The following CNTNAP5 variants were observed in gnomAD, a reference collection of about 807,000 sequenced individuals.
CNTNAP5 encodes contactin-associated protein-like 5.
Under a neutral mutation model 150.2 loss-of-function variants are expected in CNTNAP5, and 72 were observed. That is an observed-to-expected ratio of 0.48 (90% CI 0.40 to 0.58). The LOEUF (loss-of-function observed/expected upper bound fraction) is 0.58. Among genes scored for constraint, CNTNAP5 ranks in the 20% least tolerant of loss-of-function variants. CNTNAP5 has a pLI of 0.00. For synonymous variants in CNTNAP5, 672 were observed against 619.8 expected (o/e 1.08, Z -1.25); for missense variants, 1,636 against 1,626.2 (o/e 1.01, Z -0.10).
At chr2:124,677,260 C>T (rs1194770302) in intron 13 of CNTNAP5, among the ~76,000 whole-genome samples, 1 of 152,092 alleles carries the variant, frequency 6.6e-6, no homozygotes, top group Non-Finnish European at 1.5e-5. Context: ...GCTTTTTCCT[C>T]CCAGTGGGTT....
intron 3 of CNTNAP5, among the ~76,000 whole-genome samples, chr2:124,322,939 T>C (rs1032649873): frequency 2.0e-5 from 3 of 152,228 alleles, no homozygotes; most frequent in African/African-American, 7.2e-5. Context: ...TGTTCTGTAA[T>C]ATAGAAATAT....
intron 3 of CNTNAP5, among the ~76,000 whole-genome samples, chr2:124,267,541 A>G (rs1165240569): frequency 6.6e-6 from 1 of 152,162 alleles, no homozygotes; most frequent in Non-Finnish European, 1.5e-5. Flanking sequence ...CCCATCAGGA[A>G]GACTAAATAT....
At chr2:124,107,115 G>A (rs1332522726) in intron 1 of CNTNAP5, among the ~76,000 whole-genome samples, 3 of 152,192 alleles carry the variant, frequency 2.0e-5, no homozygotes, top group African/African-American at 7.2e-5. Flanking sequence ...AGAGCTCAGG[G>A]AGAAAGAGAG....
At chr2:124,168,715 T>G (rs2104660172) in intron 1 of CNTNAP5, among the ~76,000 whole-genome samples, 1 of 152,326 alleles carries the variant, frequency 6.6e-6, no homozygotes, top group Non-Finnish European at 1.5e-5. Flanking sequence ...ATCCGTGATC[T>G]CAGATCTTCT....
At chr2:124,830,863 A>G (rs905372846) in intron 19 of CNTNAP5, among the ~76,000 whole-genome samples, 1 of 151,996 alleles carries the variant, frequency 6.6e-6, no homozygotes, top group Admixed American at 6.6e-5. Flanking sequence ...CAAGGAGAAA[A>G]GGAACTGAAG....
chr2:124,607,519 G>A (rs1677275679), intron 11 of CNTNAP5, among the ~76,000 whole-genome samples: 1 of 152,176 alleles, frequency 6.6e-6, no homozygotes, highest in Non-Finnish European at 1.5e-5. Context: ...AGTAAGTCCA[G>A]CCCACTTGGA....
chr2:124,045,418 C>T (rs1681505384), intron 1 of CNTNAP5, among the ~76,000 whole-genome samples: 1 of 151,868 alleles, frequency 6.6e-6, no homozygotes, highest in African/African-American at 2.4e-5. Context: ...CTGCCTCAGC[C>T]TCCCAAGTAG....
chr2:124,882,323 C>T (rs1363416103), intron 21 of CNTNAP5, among the ~76,000 whole-genome samples: 5 of 152,062 alleles, frequency 3.3e-5, no homozygotes, highest in African/African-American at 4.8e-5. Flanking sequence ...CATAGAGCAC[C>T]AGGTGTGCTG....
intron 11 of CNTNAP5, among the ~76,000 whole-genome samples, chr2:124,571,542 T>TTC (rs1696160295): frequency 8.6e-6 from 1 of 116,594 alleles, no homozygotes; most frequent in African/African-American, 3.3e-5. Context: ...TTTTTTTTTT[T>TTC]TTTTTTGAGA....
chr2:124,464,785 A>G (rs1485527993), intron 6 of CNTNAP5, among the ~76,000 whole-genome samples: 2 of 152,194 alleles, frequency 1.3e-5, no homozygotes, highest in African/African-American at 2.4e-5. Flanking sequence ...CTTGACTAGT[A>G]TCCCAAAGGC....
At chr2:124,433,262 T>A (rs1464884870) in intron 4 of CNTNAP5, among the ~76,000 whole-genome samples, 1 of 152,210 alleles carries the variant, frequency 6.6e-6, no homozygotes, top group African/African-American at 2.4e-5. Context: ...GGTGGACATT[T>A]GTGAAAGTCT....
chr2:124,850,607 A>G (rs942366867), intron 19 of CNTNAP5, among the ~76,000 whole-genome samples: 13 of 152,210 alleles, frequency 8.5e-5, no homozygotes, highest in African/African-American at 3.1e-4. Context: ...AGGAGACAAA[A>G]CAGATGGTAA....
chr2:124,584,491 T>C (rs1430177572), intron 11 of CNTNAP5, among the ~76,000 whole-genome samples: 1 of 152,196 alleles, frequency 6.6e-6, no homozygotes, highest in African/African-American at 2.4e-5. Context: ...TAAGTGTAGC[T>C]CATGGCATAT....
rs1454371674 is a variant in CNTNAP5 at position 124,917,476 on chromosome 2, A to G, written c.*3188A>G. Reference sequence around the variant, plus strand: ...AAATAGACATTTGTCATTTCTATAGACATATTTTTATGACTAACTTTGCCT... The same window carrying G: ...AAATAGACATTTGTCATTTCTATAGGCATATTTTTATGACTAACTTTGCCT... On this transcript the variant is annotated 3_prime_UTR_variant, in exon 24 of 24. Coordinates refer to ENST00000682447, the MANE Select transcript of CNTNAP5 (RefSeq NM_001367498.1). Among the ~76,000 whole-genome samples the G allele has an allele frequency of 6.6e-6, 1 of 152,188 alleles. No individual in the cohort carries two copies. The highest frequency in any genetic ancestry group is 1.9e-4 in the East Asian group (1 of 5,152).
chr2:124,151,684 G>A (rs758585484), intron 1 of CNTNAP5, among the ~76,000 whole-genome samples: 9 of 152,162 alleles, frequency 5.9e-5, no homozygotes, highest in Admixed American at 1.3e-4. Context: ...GACAGATAAC[G>A]CAGGACCTAG....
chr2:124,355,062 T>A (rs560382063), intron 3 of CNTNAP5, among the ~76,000 whole-genome samples: 1 of 150,982 alleles, frequency 6.6e-6, no homozygotes, highest in Non-Finnish European at 1.5e-5. Flanking sequence ...TTTAAAAAAA[T>A]TTTCTAATAC....
At chr2:124,064,562 T>G (rs1206018856) in intron 1 of CNTNAP5, among the ~76,000 whole-genome samples, 1 of 152,270 alleles carries the variant, frequency 6.6e-6, no homozygotes, top group South Asian at 2.1e-4. Context: ...TTCACTCCTC[T>G]ATTTTATTCT....
chr2:124,407,870 G>A (rs898512884), intron 3 of CNTNAP5, among the ~76,000 whole-genome samples: 2 of 151,672 alleles, frequency 1.3e-5, no homozygotes, highest in African/African-American at 2.4e-5. Context: ...AAGAACTTCG[G>A]GAGGAGGAGC....
At chr2:124,510,633 T>C in intron 8 of CNTNAP5, among the ~76,000 whole-genome samples, 1 of 151,624 alleles carries the variant, frequency 6.6e-6, no homozygotes, top group Non-Finnish European at 1.5e-5. Flanking sequence ...AGGATTATCA[T>C]CTAAGGATGA....
Sources: gnomAD v4.1 joint callset for allele counts (sites outside exome capture counted in the v4.1 genomes callset) on GRCh38, gnomAD v4.1.1 for gene constraint, MANE v1.5 for transcripts, NCBI Gene and HGNC (gene_info 2026-07-23, HGNC 2026-07-21) for gene names.